ZP3: variants seen among roughly 807,000 people sequenced by gnomAD.
ZP3 encodes zona pellucida glycoprotein 3, also known as zona pellucida sperm-binding protein 3.
Under a neutral mutation model 35.6 loss-of-function variants are expected in ZP3, and 21 were observed. That is an observed-to-expected ratio of 0.59 (90% CI 0.42 to 0.85). The LOEUF (loss-of-function observed/expected upper bound fraction) is 0.85, where lower values mean the gene tolerates loss of function less well. Ranked by LOEUF, ZP3 falls within the 40% of genes least tolerant of loss-of-function variation. The pLI is 0.00. For missense variants in ZP3, 437 were observed against 536.5 expected, an observed-to-expected ratio of 0.81 and a Z score of 1.83; for synonymous variants, 207 against 214.5, an observed-to-expected ratio of 0.96 and a Z score of 0.31.
At chr7:76,426,342 T>A (rs1805651317) in intron 1 of ZP3, among the ~76,000 whole-genome samples, 1 of 152,142 alleles carries the variant, frequency 6.6e-6, no homozygotes, top group Admixed American at 6.6e-5. Flanking sequence ...TAAACCCTGA[T>A]CCCTGGACCA....
intron 2 of ZP3, 47 bp downstream of exon 2, chr7:76,429,680 G>A (rs375993052): frequency 1.9e-6 from 3 of 1,555,434 alleles, no homozygotes; most frequent in African/African-American, 1.4e-5. Flanking sequence ...AGCCCCTTGG[G>A]TGTGGCTGCA....
At chr7:76,435,184 A>G (rs1805954978) in intron 5 of ZP3, among the ~76,000 whole-genome samples, 2 of 152,204 alleles carry the variant, frequency 1.3e-5, no homozygotes, top group Non-Finnish European at 2.9e-5. Context: ...CTCTACTAAA[A>G]ATACAAAAAA....
intron 4 of ZP3, 68 bp downstream of exon 4, chr7:76,433,715 T>G: frequency 6.7e-7 from 1 of 1,492,992 alleles, no homozygotes; most frequent in Non-Finnish European, 9.1e-7. Flanking sequence ...CTGTTTGGCT[T>G]TTTGAGACAG....
At chr7:76,405,272 TA>T (rs1425300872) in intron 1 of ZP3, among the ~76,000 whole-genome samples, 837 of 5,520 alleles carry the variant, frequency 0.15, 35 homozygotes, top group East Asian at 0.22. Flanking sequence ...CCCAGCTAAT[TA>T]TATATATATA....
At chr7:76,407,101 C>T (rs1805059876) in intron 1 of ZP3, among the ~76,000 whole-genome samples, 1 of 152,066 alleles carries the variant, frequency 6.6e-6, no homozygotes, top group Non-Finnish European at 1.5e-5. Flanking sequence ...GCTGGGATTA[C>T]TGGCATGTGC....
In ZP3 at chr7:76,425,132, C is replaced by G; in HGVS notation, c.168C>G (p.Ser56Arg). ...AGGCCACTCTGATGGTCATGGTCAG[C>G]AAAGACCTTTTTGGCACCGGGAAGC... The part of the protein sequence containing the change: ...CQEATLMVMV[S>R]KDLFGTGKLI... Residue 56 changes from serine (S) to arginine (R), a missense_variant, in exon 1 of 8, where the codon AGC becomes AGG. Ser to Arg is a moderately radical substitution (Grantham distance 110). This residue lies in a region of ZP3 where 352 missense variants were observed against 308.4 expected (regional missense o/e 1.14). Coordinates refer to ENST00000394857, the MANE Select transcript of ZP3 (RefSeq NM_001110354.2). The G allele has an allele frequency of 1.2e-6, 2 of 1,613,978 alleles. No homozygotes were observed. Among genetic ancestry groups the G allele is most frequent in the Non-Finnish European group, 1.7e-6 (2 of 1,180,038 alleles).
At chr7:76,412,205 A>T (rs1041103021) in intron 1 of ZP3, among the ~76,000 whole-genome samples, 1 of 151,494 alleles carries the variant, frequency 6.6e-6, no homozygotes, top group East Asian at 2.0e-4. Context: ...AAAAAAAAGA[A>T]AAGAAAAAGA....
chr7:76,400,556 C>T, intron 1 of ZP3: 1 of 1,508,708 alleles, frequency 6.6e-7, no homozygotes, highest in Non-Finnish European at 8.9e-7. Context: ...TCCAGGCGGC[C>T]CCGGCAGCGG....
intron 1 of ZP3, among the ~76,000 whole-genome samples, chr7:76,408,176 C>T (rs1183856716): frequency 1.3e-5 from 2 of 152,102 alleles, no homozygotes; most frequent in Non-Finnish European, 1.5e-5. Context: ...AGCTCCCCAC[C>T]ATCCCTCCAA....
chr7:76,402,895 G>A lies in ZP3; in HGVS notation c.-67+5098G>A, dbSNP rs62476804. Among the ~76,000 whole-genome samples the A allele has an allele frequency of 8.7e-3, 1,330 of 152,156 alleles. 14 individuals carry two copies. The highest frequency in any genetic ancestry group is 0.014 in the Non-Finnish European group (975 of 68,004). On this transcript the variant is annotated intron_variant, in intron 1 of 8. Transcript: ENST00000336517. ...TTGGTCAGGCTGGTCTCAAACTCCC[G>A]ACCTCAGGTGATCCATCCGCCTCAG...
At chr7:76,399,965 G>A (rs183973604) in intron 1 of ZP3, among the ~76,000 whole-genome samples, 5 of 152,206 alleles carry the variant, frequency 3.3e-5, no homozygotes, top group Non-Finnish European at 5.9e-5. Flanking sequence ...CACTCTGGTC[G>A]GGACCAAACA....
chr7:76,404,327 A>G, intron 1 of ZP3: 2 of 1,607,648 alleles, frequency 1.2e-6, no homozygotes, highest in Non-Finnish European at 1.7e-6. Flanking sequence ...GAGGAGAAGG[A>G]AAGACAGGGC....
chr7:76,421,955 G>A (rs770324278), upstream of ZP3, among the ~76,000 whole-genome samples: 39 of 151,962 alleles, frequency 2.6e-4, no homozygotes, highest in Non-Finnish European at 5.0e-4. Context: ...GGAGTACAGC[G>A]GCGTGATCTT....
chr7:76,420,148 C>T (rs1805472482), upstream of ZP3, among the ~76,000 whole-genome samples: 1 of 150,990 alleles, frequency 6.6e-6, no homozygotes, highest in South Asian at 2.1e-4. Flanking sequence ...TCTTCCCCTT[C>T]CTATTCCTCT....
At chr7:76,407,328 G>A (rs1805069541) in intron 1 of ZP3, among the ~76,000 whole-genome samples, 1 of 143,590 alleles carries the variant, frequency 7.0e-6, no homozygotes, top group African/African-American at 2.6e-5. Context: ...AAGCTGAGGC[G>A]GGAGGATCTC....
intron 1 of ZP3, among the ~76,000 whole-genome samples, chr7:76,403,112 A>G (rs1190083319): frequency 6.6e-6 from 1 of 152,160 alleles, no homozygotes; most frequent in Non-Finnish European, 1.5e-5. Flanking sequence ...GAGCTGAGAG[A>G]CTACCCAGAC....
At chr7:76,420,713 G>A (rs756051860), upstream of ZP3, among the ~76,000 whole-genome samples, 12 of 151,838 alleles carry the variant, frequency 7.9e-5, no homozygotes, top group Non-Finnish European at 1.8e-4. Flanking sequence ...TTATGTTTTT[G>A]GTTATTTTTT....
Position 76,440,523 on chromosome 7 carries a change from A to C in ZP3, c.972A>C (p.Lys324Asn). 1 of 1,614,212 alleles carries C rather than the reference A, an allele frequency of 6.2e-7. No homozygotes were observed. The highest frequency in any genetic ancestry group is 1.3e-5 in the African/African-American group (1 of 75,066). The change falls in exon 7 of 8, where the codon AAA becomes AAC. Residue 324 changes from lysine to asparagine, a missense_variant. By Grantham distance (94) the Lys-to-Asn change is moderately conservative. Coordinates refer to ENST00000394857, the MANE Select transcript of ZP3 (RefSeq NM_001110354.2). Reference sequence around the variant, plus strand: ...CTGACATCTGTCAATGCTGTAACAAAGGTGACTGTGGCACTCCAAGCCATT... The same window carrying C: ...CTGACATCTGTCAATGCTGTAACAACGGTGACTGTGGCACTCCAAGCCATT... Reference protein sequence around the residue: ...GSADICQCCNKGDCGTPSHSR... With the variant: ...GSADICQCCNNGDCGTPSHSR...
chr7:76,417,598 T>C (rs576224194), intron 1 of ZP3, among the ~76,000 whole-genome samples: 15 of 151,748 alleles, frequency 9.9e-5, no homozygotes, highest in African/African-American at 3.6e-4. Context: ...AGAAAAGTAC[T>C]ATTTATTCTT....
Sources: gnomAD v4.1 joint callset for allele counts (sites outside exome capture counted in the v4.1 genomes callset) on GRCh38, gnomAD v4.1.1 for gene constraint, gnomAD v4.1.1 regional missense constraint, MANE v1.5 for transcripts, NCBI Gene and HGNC (gene_info 2026-07-23, HGNC 2026-07-21) for gene names.